SPTBN1: variants seen among roughly 807,000 people sequenced by gnomAD.
SPTBN1 encodes the protein spectrin beta, non-erythrocytic 1.
Under a neutral mutation model 266.4 loss-of-function variants are expected in SPTBN1, and 32 were observed. That is an observed-to-expected ratio of 0.12 (90% CI 0.09 to 0.16). SPTBN1 has a LOEUF of 0.16. Ranked by LOEUF, SPTBN1 falls within the 10% of genes least tolerant of loss-of-function variation. The pLI, the probability that SPTBN1 is intolerant of heterozygous loss-of-function variation, is 1.00. For synonymous variants in SPTBN1, 1,336 were observed against 1,162.2 expected (o/e 1.15, Z -3.04); for missense variants, 2,296 against 3,067.1 (o/e 0.75, Z 5.94).
intron 35 of SPTBN1, 51 bp downstream of exon 35, chr2:54,667,697 T>C: frequency 6.5e-7 from 1 of 1,528,286 alleles, no homozygotes; most frequent in Non-Finnish European, 9.1e-7. Context: ...TTGCAAGTGT[T>C]TGTGTGATGA....
intron 2 of SPTBN1, among the ~76,000 whole-genome samples, chr2:54,571,196 C>G (rs1434503026): frequency 1.3e-5 from 2 of 151,944 alleles, no homozygotes; most frequent in East Asian, 1.9e-4. Context: ...GCGTGCCTGT[C>G]AAGGGCTGTG....
intron 2 of SPTBN1, among the ~76,000 whole-genome samples, chr2:54,538,568 T>A (rs943451300): frequency 6.6e-6 from 1 of 152,256 alleles, no homozygotes; most frequent in Non-Finnish European, 1.5e-5. Context: ...GAGAAATACA[T>A]CTGTTTTCTA....
In SPTBN1 at chr2:54,485,881, C is replaced by T. The variant is rs377712699; in HGVS notation, c.-48+29363C>T. On this transcript the variant is annotated intron_variant, in intron 1 of 35. Transcript: ENST00000356805. ...TGTGAGGAGCGCCTCTGCCCGGCCG[C>T]GACCCGTCTGGGAGGTGAGGAGCGT... is the stretch of plus-strand genomic sequence containing the variant. 2.4e-3 allele frequency among the ~76,000 whole-genome samples: 354 copies of T among 150,282 alleles called. 8 individuals carry two copies. In the South Asian group the frequency reaches 0.043, roughly 18 times the overall value.
At chr2:54,587,645 G>A (rs140113967) in intron 2 of SPTBN1, among the ~76,000 whole-genome samples, 240 of 152,272 alleles carry the variant, frequency 1.6e-3, no homozygotes, top group African/African-American at 5.6e-3. Flanking sequence ...GAGCTGAAGA[G>A]CCTTCAGCTT....
chr2:54,534,924 G>C (rs1233139314), intron 2 of SPTBN1: 3 of 152,356 alleles, frequency 2.0e-5, no homozygotes. Flanking sequence ...AGTCACCTCA[G>C]AGAACCTCTC....
chr2:54,568,522 A>G (rs964587940), intron 2 of SPTBN1, among the ~76,000 whole-genome samples: 2 of 152,140 alleles, frequency 1.3e-5, no homozygotes, highest in Non-Finnish European at 2.9e-5. Flanking sequence ...CTTGAGTATA[A>G]TAGTTAATTA....
chr2:54,586,769 T>G (rs1017745420), intron 2 of SPTBN1, among the ~76,000 whole-genome samples: 17 of 152,222 alleles, frequency 1.1e-4, no homozygotes, highest in African/African-American at 4.1e-4. Flanking sequence ...TTTGACATCC[T>G]CATTAAATAG....
chr2:54,565,409 C>T (rs976683866), intron 2 of SPTBN1, among the ~76,000 whole-genome samples: 1 of 152,148 alleles, frequency 6.6e-6, no homozygotes, highest in Non-Finnish European at 1.5e-5. Flanking sequence ...TTAGAGAAGC[C>T]GTTGAACATC....
At chr2:54,648,109 C>T (rs1207033882) in intron 24 of SPTBN1, among the ~76,000 whole-genome samples, 1 of 152,114 alleles carries the variant, frequency 6.6e-6, no homozygotes, top group African/African-American at 2.4e-5. Flanking sequence ...CTCATCAGGC[C>T]CCTGTATTAA....
At chr2:54,582,933 G>C (rs1675042540) in intron 2 of SPTBN1, among the ~76,000 whole-genome samples, 1 of 152,204 alleles carries the variant, frequency 6.6e-6, no homozygotes, top group Non-Finnish European at 1.5e-5. Flanking sequence ...ACTTCACAGA[G>C]TAGTTGTGAG....
intron 2 of SPTBN1, among the ~76,000 whole-genome samples, chr2:54,569,617 T>C (rs1315307588): frequency 2.0e-5 from 3 of 152,240 alleles, no homozygotes; most frequent in Non-Finnish European, 2.9e-5. Flanking sequence ...TCTGTGCCTC[T>C]TACCAAATAT....
At chr2:54,659,789 G>C in intron 31 of SPTBN1, 147 bp from the exon 32 acceptor site, 1 of 1,440,980 alleles carries the variant, frequency 6.9e-7, no homozygotes, top group Non-Finnish European at 9.1e-7. Context: ...TAAAACACTT[G>C]GAAGTTTCAG....
In SPTBN1 at chr2:54,628,832, G is replaced by C. The variant is rs979989936; in HGVS notation, c.1799-101G>C. 4 of 1,433,262 alleles carry C rather than the reference G, an allele frequency of 2.8e-6. No homozygotes were observed. Among genetic ancestry groups the C allele is most frequent in the Non-Finnish European group, 3.7e-6 (4 of 1,069,522 alleles). The allele number at this position is 1,433,262 out of a possible 1,614,324, so 88.8% of individuals were successfully genotyped here. ...TGCATTTACATTTAGCAGTGAGCTG[G>C]TAATCATAAGAATATGGGGTGTAGC... is the stretch of plus-strand genomic sequence containing the variant. On this transcript the variant is annotated intron_variant, in intron 13 of 35. Transcript: ENST00000356805. The surrounding 1 kb of genome is among the most constrained non-coding windows in gnomAD (Gnocchi z 4.3).
In SPTBN1 at chr2:54,457,060, G is replaced by A. The variant is rs1022446767; in HGVS notation, c.-48+542G>A. Among the ~76,000 whole-genome samples the A allele has an allele frequency of 7.3e-5, 11 of 151,626 alleles. No individual in the cohort carries two copies. In the East Asian group the frequency reaches 2.0e-3, roughly 27 times the overall value. On this transcript the variant is annotated intron_variant, in intron 1 of 35. Transcript: ENST00000356805. Reference sequence around the variant, plus strand: ...GGTGCAGGGGATGCGGCCAGGCGTGGTCCCGGCTGCGCCGCGCTGCAGCTG... The same window carrying A: ...GGTGCAGGGGATGCGGCCAGGCGTGATCCCGGCTGCGCCGCGCTGCAGCTG...
intron 2 of SPTBN1, chr2:54,528,538 C>T (rs568711534): frequency 2.0e-5 from 3 of 152,294 alleles, no homozygotes; most frequent in African/African-American, 4.8e-5. Flanking sequence ...AACAGTTAAT[C>T]CCATAACAAT....
chr2:54,529,662 A>T (rs1371295588), intron 2 of SPTBN1: 1 of 720,538 alleles, frequency 1.4e-6, no homozygotes, highest in Admixed American at 1.7e-5. Flanking sequence ...AAAGCCAACA[A>T]GCACCAGATC....
intron 3 of SPTBN1, among the ~76,000 whole-genome samples, chr2:54,608,340 G>C (rs1355409372): frequency 2.0e-5 from 3 of 152,204 alleles, no homozygotes; most frequent in Non-Finnish European, 4.4e-5. Context: ...TAGTTGTAGA[G>C]TTGTGAGGAA....
rs765248851 is a variant in SPTBN1, at chr2:54,646,363, A to G, written c.4754A>G (p.His1585Arg). Residue 1585 changes from histidine (H) to arginine (R), a missense_variant, in exon 23 of 36, where the codon CAC becomes CGC. Transcript: ENST00000356805. This position sits in a 1 kb window ranked among gnomAD's most constrained non-coding sequence, Gnocchi z 4.4. The part of the protein sequence containing the change: ...GLLIEETEKR[H>R]RRLEEAHRAQ... ...CTCATTGAGGAGACAGAGAAACGCC[A>G]CAGGCGGCTGGAGGAGGCGCACAGG... 1.2e-6 allele frequency: 2 copies of G among 1,613,806 alleles called. No individual in the cohort carries two copies. Among genetic ancestry groups the G allele is most frequent in the South Asian group, 2.2e-5 (2 of 91,058 alleles).
intron 1 of SPTBN1, among the ~76,000 whole-genome samples, chr2:54,466,168 C>G (rs961998185): frequency 3.3e-5 from 5 of 152,096 alleles, no homozygotes; most frequent in Admixed American, 3.3e-4. Flanking sequence ...CCTGTTAGTT[C>G]TGATTTTTAA....
Sources: allele counts gnomAD v4.1 joint callset (sites outside exome capture counted in the v4.1 genomes callset), GRCh38; gene constraint gnomAD v4.1.1; non-coding constraint Gnocchi (gnomAD v3.1); transcripts MANE v1.5; gene names NCBI Gene and HGNC (gene_info 2026-07-23, HGNC 2026-07-21).